EXD2: variants seen among roughly 807,000 people sequenced by gnomAD.
EXD2 encodes exonuclease 3'-5' domain-containing protein 2.
Under a neutral mutation model 62.5 loss-of-function variants are expected in EXD2, and 40 were observed. The observed-to-expected ratio is 0.64, with a 90% CI of 0.50 to 0.83. EXD2 has a LOEUF of 0.83. EXD2 is among the 40% of genes least tolerant of loss of function. EXD2 has a pLI of 0.00. For missense variants in EXD2, 671 were observed against 761.8 expected (o/e 0.88, Z 1.40); for synonymous variants, 239 against 291.9 (o/e 0.82, Z 1.85).
chr14:69,200,094 C>A (rs1439439358), intron 1 of EXD2, among the ~76,000 whole-genome samples: 2 of 152,104 alleles, frequency 1.3e-5, no homozygotes, highest in Non-Finnish European at 2.9e-5. Flanking sequence ...TTTTTCTGCA[C>A]CATTGTAATC....
intron 3 of EXD2, among the ~76,000 whole-genome samples, chr14:69,224,782 C>T (rs575974503): frequency 6.6e-6 from 1 of 151,974 alleles, no homozygotes; most frequent in Non-Finnish European, 1.5e-5. Context: ...AGATCGAGAC[C>T]ATCCTGGCCA....
intron 7 of EXD2, 122 bp from the exon 8 acceptor site, chr14:69,236,285 C>T: frequency 2.6e-6 from 4 of 1,545,968 alleles, no homozygotes; most frequent in Non-Finnish European, 2.7e-6. Context: ...ACTGGGTAGG[C>T]ACAACCCAGA....
intron 3 of EXD2, among the ~76,000 whole-genome samples, chr14:69,224,526 T>C (rs973134657): frequency 1.3e-5 from 2 of 152,222 alleles, no homozygotes; most frequent in African/African-American, 4.8e-5. Flanking sequence ...AAGCTTCAAG[T>C]ATCTCTCACC....
In EXD2 at chr14:69,238,016, G is replaced by A. The variant is rs1365723334; in HGVS notation, c.1649+85G>A. ...AATGCTTGCCAGGGAGGGGGCATTG[G>A]CTGCTTAGGCACAGTGCCTAGCCTC... On this transcript the variant is annotated intron_variant, in intron 9 of 9. Transcript: ENST00000685843. 3.3e-6 allele frequency: 4 copies of A among 1,215,936 alleles called. No individual in the cohort carries two copies. In the African/African-American group the frequency reaches 4.6e-5, roughly 14 times the overall value. The allele number at this position is 1,215,936 out of a possible 1,614,324, so 75.3% of individuals were successfully genotyped here. A position where few individuals can be genotyped will look rare whatever the true frequency, so the allele number is the denominator to read the frequency against.
chr14:69,241,162 C>T lies in EXD2; in HGVS notation c.*62C>T, dbSNP rs1163384721. 4 of 1,402,658 alleles carry T rather than the reference C, an allele frequency of 2.9e-6. No individual in the cohort carries two copies. Among genetic ancestry groups the T allele is most frequent in the South Asian group, 1.2e-5 (1 of 81,352 alleles). The allele number at this position is 1,402,658 out of a possible 1,614,324, so 86.9% of individuals were successfully genotyped here. On this transcript the variant is annotated 3_prime_UTR_variant, in exon 10 of 10. Coordinates refer to ENST00000685843, the MANE Select transcript of EXD2 (RefSeq NM_001193360.2). ...TGGAGCCAAGGTTGAAGAGTCACCT[C>T]TTCCCATTTTAGTACATCATTAATT...
chr14:69,234,587 C>T (rs1245564316), intron 5 of EXD2, 113 bp from the exon 6 acceptor site: 10 of 874,092 alleles, frequency 1.1e-5, no homozygotes, highest in African/African-American at 3.4e-5. Context: ...CCCAGGTTGT[C>T]GTACATTTTG....
intron 3 of EXD2, among the ~76,000 whole-genome samples, chr14:69,226,088 T>C (rs1225568536): frequency 6.6e-6 from 1 of 152,206 alleles, no homozygotes; most frequent in African/African-American, 2.4e-5. Flanking sequence ...GGTACAAATA[T>C]TGAACCTTAG....
chr14:69,225,935 C>G (rs531822311), intron 3 of EXD2, among the ~76,000 whole-genome samples: 2 of 152,224 alleles, frequency 1.3e-5, no homozygotes, highest in South Asian at 4.1e-4. Context: ...AAGCACAATC[C>G]AGAAACATTA....
At chr14:69,204,477 G>A (rs1355708964) in intron 2 of EXD2, among the ~76,000 whole-genome samples, 1 of 152,136 alleles carries the variant, frequency 6.6e-6, no homozygotes, top group Non-Finnish European at 1.5e-5. Flanking sequence ...AGGCTGAAGT[G>A]GGAGCCCAGG....
chr14:69,230,670 A>G, intron 5 of EXD2, 72 bp downstream of exon 5: 1 of 1,505,688 alleles, frequency 6.6e-7, no homozygotes, highest in Non-Finnish European at 8.9e-7. Flanking sequence ...TAAAATTCGA[A>G]TTCTCAAATA....
At chr14:69,217,959 A>G (rs576549697) in intron 3 of EXD2, among the ~76,000 whole-genome samples, 10 of 152,128 alleles carry the variant, frequency 6.6e-5, no homozygotes, top group Non-Finnish European at 1.3e-4. Flanking sequence ...TTTGGTTCCA[A>G]GTCTTTGCTG....
In EXD2 at chr14:69,241,616, C is replaced by T. The variant is rs1566846331; in HGVS notation, c.*516C>T. On this transcript the variant is annotated 3_prime_UTR_variant, in exon 10 of 10. Coordinates refer to ENST00000685843, the MANE Select transcript of EXD2 (RefSeq NM_001193360.2). ...TAATTATCATTTCTTTGGCTTCATGCTCTCCCGTAACTCATGTGGTTGGGA... is the reference window on the plus strand; with the variant it reads ...TAATTATCATTTCTTTGGCTTCATGTTCTCCCGTAACTCATGTGGTTGGGA... 2.7e-6 allele frequency: 1 copy of T among 373,972 alleles called. No individual in the cohort carries two copies. Among genetic ancestry groups the T allele is most frequent in the Non-Finnish European group, 4.7e-6 (1 of 210,758 alleles). 23.2% of individuals were successfully genotyped at this position (373,972 alleles called of 1,614,324 possible).
At chr14:69,233,764 CT>C (rs1392382633) in intron 5 of EXD2, among the ~76,000 whole-genome samples, 464 of 115,224 alleles carry the variant, frequency 4.0e-3, no homozygotes, top group African/African-American at 0.01. Context: ...GACCACGCTA[CT>C]TTTTTTTTTT....
intron 3 of EXD2, among the ~76,000 whole-genome samples, chr14:69,225,709 T>A (rs1200626429): frequency 6.6e-6 from 1 of 152,176 alleles, no homozygotes; most frequent in Non-Finnish European, 1.5e-5. Context: ...GTTTCTTGTT[T>A]CCCATGAGTA....
intron 1 of EXD2, among the ~76,000 whole-genome samples, chr14:69,196,377 G>A (rs1426288861): frequency 1.3e-5 from 2 of 152,158 alleles, no homozygotes; most frequent in African/African-American, 4.8e-5. Flanking sequence ...ATAACATACG[G>A]ATATGCTACA....
chr14:69,242,519 G>A lies in EXD2; in HGVS notation c.*1419G>A, dbSNP rs1391452096. 7.8e-5 allele frequency: 12 copies of A among 152,952 alleles called. No individual in the cohort carries two copies. The highest frequency in any genetic ancestry group is 7.8e-4 in the Admixed American group (12 of 15,298). The allele number at this position is 152,952 out of a possible 1,614,324, so 9.5% of individuals were successfully genotyped here. A position where few individuals can be genotyped will look rare whatever the true frequency, so the allele number is the denominator to read the frequency against. On this transcript the variant is annotated 3_prime_UTR_variant, in exon 10 of 10. Transcript: ENST00000685843. ...CCATCGGCCATCAGTAGCAGCCCAT[G>A]AACCCACGTGCACATCCTGCATCTT...
chr14:69,216,416 A>T (rs917035987), intron 3 of EXD2, among the ~76,000 whole-genome samples: 3 of 152,122 alleles, frequency 2.0e-5, no homozygotes, highest in Non-Finnish European at 4.4e-5. Flanking sequence ...AATATCTTGG[A>T]TAATCTTGAT....
In EXD2 at chr14:69,237,866, A is replaced by G. The variant is rs773747812; in HGVS notation, c.1584A>G (p.Arg528=). 1 of 1,611,390 alleles carries G rather than the reference A, an allele frequency of 6.2e-7. No homozygotes were observed. The highest frequency in any genetic ancestry group is 2.2e-5 in the East Asian group (1 of 44,868). The change falls in exon 9 of 10, where the codon AGA becomes AGG. Residue 528 remains arginine, a synonymous_variant. Transcript: ENST00000685843. The stretch of plus-strand genomic sequence containing the variant: ...AGGAGGAGCTGCTGCAAGCACTCAG[A>G]GAGTTTTATAACACAGACGTGGTCA... ...QRKEELLQAL[R]EFYNTDVVTE... is the part of the protein sequence containing the mutation.
At chr14:69,204,310 C>G (rs371701210) in intron 2 of EXD2, among the ~76,000 whole-genome samples, 5 of 152,164 alleles carry the variant, frequency 3.3e-5, no homozygotes, top group African/African-American at 1.2e-4. Flanking sequence ...AGGCTCACAC[C>G]TATAACCCGA....
Sources: allele counts gnomAD v4.1 joint callset (sites outside exome capture counted in the v4.1 genomes callset), GRCh38; gene constraint gnomAD v4.1.1; transcripts MANE v1.5; gene names NCBI Gene and HGNC (gene_info 2026-07-23, HGNC 2026-07-21).